Variants in CLYBL observed in about 807,000 individuals in gnomAD.
The protein encoded by CLYBL is citramalyl-CoA lyase.
Under a neutral mutation model 38.9 loss-of-function variants are expected in CLYBL, and 31 were observed. That is an observed-to-expected ratio of 0.80 (90% CI 0.60 to 1.08). The LOEUF is 1.08. Ranked by LOEUF, CLYBL falls within the 50% of genes least tolerant of loss-of-function variation. CLYBL has a pLI of 0.00. For missense variants in CLYBL, 434 were observed against 411.6 expected, an observed-to-expected ratio of 1.05 and a Z score of -0.47; for synonymous variants, 171 against 158.6, an observed-to-expected ratio of 1.08 and a Z score of -0.59.
chr13:99,878,935 C>T (rs1437618465), intron 7 of CLYBL, among the ~76,000 whole-genome samples: 3 of 152,180 alleles, frequency 2.0e-5, no homozygotes, highest in South Asian at 2.1e-4. Context: ...AAATAGAAGG[C>T]TACCTTGGTC....
chr13:99,710,285 T>G (rs1050157812), intron 1 of CLYBL, among the ~76,000 whole-genome samples: 1 of 152,132 alleles, frequency 6.6e-6, no homozygotes, highest in African/African-American at 2.4e-5. Context: ...AATTGGACAG[T>G]GTTTCTCCAT....
At chr13:99,908,467 G>C (rs775861245) in exon 10 of CLYBL, among the ~76,000 whole-genome samples, 2 of 152,202 alleles carry the variant, frequency 1.3e-5, no homozygotes, top group African/African-American at 4.8e-5. Context: ...AAGCAGCCCC[G>C]CCTCGCAGTG....
At chr13:99,720,713 G>C (rs536629935) in intron 1 of CLYBL, among the ~76,000 whole-genome samples, 17 of 152,276 alleles carry the variant, frequency 1.1e-4, no homozygotes, top group African/African-American at 4.1e-4. Flanking sequence ...TTGCTGCTTA[G>C]TAACATTCTG....
chr13:99,880,256 G>T (rs1176570199), intron 7 of CLYBL, among the ~76,000 whole-genome samples: 1 of 151,566 alleles, frequency 6.6e-6, no homozygotes, highest in Non-Finnish European at 1.5e-5. Context: ...GTAGAGACGG[G>T]GTTTCACCAT....
chr13:99,861,082 C>A (rs2051589678), intron 3 of CLYBL, among the ~76,000 whole-genome samples: 1 of 152,164 alleles, frequency 6.6e-6, no homozygotes, highest in African/African-American at 2.4e-5. Flanking sequence ...CCTTCTTCTC[C>A]TCCCCCTACC....
chr13:99,695,331 C>A (rs918325629), intron 1 of CLYBL, among the ~76,000 whole-genome samples: 1 of 152,012 alleles, frequency 6.6e-6, no homozygotes, highest in African/African-American at 2.4e-5. Flanking sequence ...GCAAAGCACA[C>A]AAATATATTT....
intron 1 of CLYBL, among the ~76,000 whole-genome samples, chr13:99,765,272 A>T (rs1264054337): frequency 2.0e-5 from 3 of 152,112 alleles, no homozygotes; most frequent in Non-Finnish European, 2.9e-5. Context: ...GTGTCCATTG[A>T]GAACTGCCAG....
chr13:99,672,546 A>C (rs1269818857), intron 1 of CLYBL, among the ~76,000 whole-genome samples: 10 of 151,864 alleles, frequency 6.6e-5, no homozygotes, highest in African/African-American at 2.4e-4. Context: ...GGCTTCAGCA[A>C]GTGGATCGCT....
chr13:99,804,599 G>T (rs908856964), intron 2 of CLYBL, among the ~76,000 whole-genome samples: 2 of 151,966 alleles, frequency 1.3e-5, no homozygotes, highest in East Asian at 1.9e-4. Context: ...TTCCTGTCTC[G>T]CCTGCCTTTA....
intron 5 of CLYBL, among the ~76,000 whole-genome samples, chr13:99,866,006 T>C (rs1172447195): frequency 2.0e-5 from 3 of 152,198 alleles, no homozygotes; most frequent in African/African-American, 7.2e-5. Context: ...CTTCTCTTAA[T>C]GCAGGTAGAA....
At chr13:99,856,923 G>T (rs1358632543) in intron 2 of CLYBL, among the ~76,000 whole-genome samples, 2 of 151,810 alleles carry the variant, frequency 1.3e-5, no homozygotes, top group South Asian at 4.2e-4. Context: ...CAGGTGTGAG[G>T]CACCATGCCC....
chr13:99,611,346 A>G (rs924483084), intron 1 of CLYBL, among the ~76,000 whole-genome samples: 4 of 152,210 alleles, frequency 2.6e-5, no homozygotes, highest in Non-Finnish European at 5.9e-5. Flanking sequence ...CAGCCTGCAT[A>G]GAGTTTTGAT....
chr13:99,642,748 C>A (rs1281437642), intron 1 of CLYBL, among the ~76,000 whole-genome samples: 1 of 150,686 alleles, frequency 6.6e-6, no homozygotes, highest in Non-Finnish European at 1.5e-5. Flanking sequence ...TTCCCTCCCT[C>A]CCTCCCTTCC....
At chr13:99,823,667 A>G (rs1462483813) in intron 2 of CLYBL, among the ~76,000 whole-genome samples, 2 of 152,204 alleles carry the variant, frequency 1.3e-5, no homozygotes, top group Non-Finnish European at 2.9e-5. Flanking sequence ...TTATTGGTGA[A>G]TATTTCATTG....
chr13:99,795,136 C>G (rs1474753816), intron 2 of CLYBL, among the ~76,000 whole-genome samples: 1 of 152,086 alleles, frequency 6.6e-6, no homozygotes, highest in Non-Finnish European at 1.5e-5. Context: ...AATGTCAAGT[C>G]AGGAATTAAC....
chr13:99,770,034 C>T (rs2049348761), intron 1 of CLYBL, among the ~76,000 whole-genome samples: 1 of 151,588 alleles, frequency 6.6e-6, no homozygotes, highest in South Asian at 2.1e-4. Context: ...GAGAGTAAAA[C>T]ATCAGTTTGC....
rs753043863 is a variant in CLYBL, at chr13:99,772,829, C to T, written c.68C>T (p.Ala23Val). 36 of 1,588,658 alleles carry T rather than the reference C, an allele frequency of 2.3e-5. No individual in the cohort carries two copies. Among genetic ancestry groups the T allele is most frequent in the South Asian group, 3.5e-5 (3 of 85,788 alleles). ...AAAAALLRLK[A>V]SLAADIPRLG... ...CCCAATCACGTGTCTTGCAGGAAAG[C>T]GTCTCTAGCAGCTGATATCCCCAGA... is the stretch of plus-strand genomic sequence containing the variant. The change falls in exon 2 of 9, where the codon GCG becomes GTG. Residue 23 changes from alanine to valine, a missense_variant. By Grantham distance (64) the Ala-to-Val change is moderately conservative. Coordinates refer to ENST00000339105, the MANE Select transcript of CLYBL (RefSeq NM_206808.5).
intron 1 of CLYBL, among the ~76,000 whole-genome samples, chr13:99,609,970 G>A (rs760445656): frequency 2.6e-5 from 4 of 151,342 alleles, no homozygotes; most frequent in Non-Finnish European, 5.9e-5. Flanking sequence ...TGGTGAGATC[G>A]TAGCTCACTG....
chr13:99,813,985 C>T (rs779557843), intron 2 of CLYBL, among the ~76,000 whole-genome samples: 5 of 152,190 alleles, frequency 3.3e-5, no homozygotes, highest in Non-Finnish European at 7.4e-5. Context: ...CTTCATTCTT[C>T]CTACTTCATT....
Sources: allele counts gnomAD v4.1 joint callset (sites outside exome capture counted in the v4.1 genomes callset), GRCh38; gene constraint gnomAD v4.1.1; transcripts MANE v1.5; gene names NCBI Gene and HGNC (gene_info 2026-07-23, HGNC 2026-07-21).